PDE1C: variants seen among roughly 807,000 people sequenced by gnomAD.
PDE1C encodes dual specificity calcium/calmodulin-dependent 3',5'-cyclic nucleotide phosphodiesterase 1C.
In PDE1C, 62 loss-of-function variants were observed where a neutral mutation model predicts 93.1. The observed-to-expected ratio is 0.67, with a 90% confidence interval of 0.54 to 0.82. The LOEUF (loss-of-function observed/expected upper bound fraction) is 0.82. Among genes scored for constraint, PDE1C ranks in the 40% least tolerant of loss-of-function variants. PDE1C has a pLI of 0.00. For synonymous variants in PDE1C, 325 were observed against 310.1 expected, an observed-to-expected ratio of 1.05 and a Z score of -0.50; for missense variants, 742 against 884.6, an observed-to-expected ratio of 0.84 and a Z score of 2.04.
chr7:31,749,672 A>T (rs1032215452), downstream of PDE1C, among the ~76,000 whole-genome samples: 2 of 151,998 alleles, frequency 1.3e-5, no homozygotes, highest in African/African-American at 4.8e-5. Flanking sequence ...TGCTTCGGGA[A>T]TCCACAGCCT....
chr7:31,643,760 C>CT, the PDE1C span: 1 of 1,614,030 alleles, frequency 6.2e-7, no homozygotes, highest in Non-Finnish European at 8.5e-7. Context: ...CCAATGGGCA[C>CT]CTGCCATGCT....
At chr7:32,427,022 A>G (rs1483331171) in intron 1 of PDE1C, among the ~76,000 whole-genome samples, 1 of 152,152 alleles carries the variant, frequency 6.6e-6, no homozygotes, top group Non-Finnish European at 1.5e-5. Context: ...AAACTAAGGC[A>G]TTTTCCTCCC....
At chr7:31,894,717 C>G (rs1419247386) in intron 2 of PDE1C, among the ~76,000 whole-genome samples, 1 of 152,204 alleles carries the variant, frequency 6.6e-6, no homozygotes, top group Non-Finnish European at 1.5e-5. Flanking sequence ...AACCCTAGTT[C>G]CGCCTAGTGC....
chr7:32,312,011 A>G (rs142025297), intron 1 of PDE1C, among the ~76,000 whole-genome samples: 71,407 of 140,602 alleles, frequency 0.51, 19,662 homozygotes, highest in Admixed American at 0.66. Context: ...AAACCCCATT[A>G]TCTCAGCCCA....
At chr7:31,780,415 C>G (rs1420175604) in intron 16 of PDE1C, among the ~76,000 whole-genome samples, 1 of 152,214 alleles carries the variant, frequency 6.6e-6, no homozygotes, top group Non-Finnish European at 1.5e-5. Flanking sequence ...CCGATTTAGA[C>G]TGCACGTCTG....
chr7:32,321,977 A>G (rs1238982564), intron 1 of PDE1C, among the ~76,000 whole-genome samples: 1 of 152,252 alleles, frequency 6.6e-6, no homozygotes, highest in Non-Finnish European at 1.5e-5. Context: ...GACATGCACC[A>G]GATGCTATGA....
chr7:31,804,263 T>C (rs184747741), intron 16 of PDE1C, among the ~76,000 whole-genome samples: 82 of 151,984 alleles, frequency 5.4e-4, no homozygotes, highest in Non-Finnish European at 9.3e-4. Flanking sequence ...TTATTCCCCA[T>C]GACTAAAGCA....
intron 1 of PDE1C, among the ~76,000 whole-genome samples, chr7:32,391,658 T>C (rs963878414): frequency 1.3e-5 from 2 of 152,188 alleles, no homozygotes; most frequent in African/African-American, 2.4e-5. Context: ...GTGACCACCA[T>C]GGTATTCTAT....
At chr7:31,792,800 G>C (rs981459295) in intron 16 of PDE1C, among the ~76,000 whole-genome samples, 2 of 152,080 alleles carry the variant, frequency 1.3e-5, no homozygotes, top group African/African-American at 4.8e-5. Context: ...GTGTTAATAG[G>C]CCACTCTGTG....
At chr7:32,236,584 A>G (rs1808098761) in intron 1 of PDE1C, among the ~76,000 whole-genome samples, 1 of 152,184 alleles carries the variant, frequency 6.6e-6, no homozygotes, top group Non-Finnish European at 1.5e-5. Flanking sequence ...AGGAAATGCC[A>G]ATTAAAACCA....
chr7:31,640,600 G>A, the PDE1C span, among the ~76,000 whole-genome samples: 2 of 151,934 alleles, frequency 1.3e-5, no homozygotes, highest in African/African-American at 4.8e-5. Context: ...GTTTCTCAAG[G>A]ACTGCTGTCT....
chr7:31,941,954 G>A (rs1433985021), intron 2 of PDE1C, among the ~76,000 whole-genome samples: 1 of 152,094 alleles, frequency 6.6e-6, no homozygotes, highest in East Asian at 1.9e-4. Flanking sequence ...AAATACTGTA[G>A]GGATATTTTT....
the PDE1C span, among the ~76,000 whole-genome samples, chr7:31,676,429 T>TAC: frequency 0.027 from 4,062 of 151,344 alleles, 174 homozygotes; most frequent in East Asian, 0.12. Context: ...TTTTTAAAAC[T>TAC]ACACACACAC....
chr7:32,408,467 C>A (rs544874347), intron 1 of PDE1C, among the ~76,000 whole-genome samples: 10 of 152,288 alleles, frequency 6.6e-5, no homozygotes, highest in Admixed American at 5.2e-4. Context: ...TTATCTGCAT[C>A]CTGCTTAAAC....
intron 3 of PDE1C, among the ~76,000 whole-genome samples, chr7:32,148,398 GTAATTTACAC>G (rs1801039661): frequency 6.6e-6 from 1 of 152,082 alleles, no homozygotes; most frequent in African/African-American, 2.4e-5. Context: ...AAATCAGTGT[GTAATTTACAC>G]TTACAGTGTA....
intron 1 of PDE1C, among the ~76,000 whole-genome samples, chr7:32,348,356 CT>C (rs59148183): frequency 0.052 from 3,000 of 57,216 alleles, 9 homozygotes; most frequent in Middle Eastern, 0.071. Context: ...AACAAATGTG[CT>C]TTTTTTTTTT....
intron 9 of PDE1C, among the ~76,000 whole-genome samples, chr7:31,845,543 G>A (rs1321815302): frequency 1.3e-5 from 2 of 152,086 alleles, no homozygotes; most frequent in Non-Finnish European, 1.5e-5. Context: ...TCAGGGGCTA[G>A]GGAAGGCATA....
At chr7:31,748,809 T>C (rs189989952), downstream of PDE1C, among the ~76,000 whole-genome samples, 96 of 152,298 alleles carry the variant, frequency 6.3e-4, no homozygotes, top group South Asian at 3.1e-3. Flanking sequence ...TCCCAGGGCA[T>C]CCCCAGTTCC....
intron 1 of PDE1C, among the ~76,000 whole-genome samples, chr7:32,211,100 T>A (rs1193509060): frequency 6.6e-6 from 1 of 151,814 alleles, no homozygotes; most frequent in Non-Finnish European, 1.5e-5. Flanking sequence ...TCCCAGCTAC[T>A]CGGGAGGCTG....
Sources: gnomAD v4.1 joint callset for allele counts (sites outside exome capture counted in the v4.1 genomes callset) on GRCh38, gnomAD v4.1.1 for gene constraint, MANE v1.5 for transcripts, NCBI Gene and HGNC (gene_info 2026-07-23, HGNC 2026-07-21) for gene names.